Variants in KCNIP4 observed in about 807,000 individuals in gnomAD.
The protein encoded by KCNIP4 is potassium voltage-gated channel interacting protein 4, also known as Kv channel-interacting protein 4.
Under a neutral mutation model 34.0 loss-of-function variants are expected in KCNIP4, and 12 were observed. That is an observed-to-expected ratio of 0.35 (90% confidence interval 0.23 to 0.57). The LOEUF is 0.57. KCNIP4 is among the 20% of genes least tolerant of loss of function. The pLI is 0.83. For missense variants in KCNIP4, 238 were observed against 311.7 expected, an observed-to-expected ratio of 0.76 and a Z score of 1.78; for synonymous variants, 124 against 102.2, an observed-to-expected ratio of 1.21 and a Z score of -1.29.
intron 1 of KCNIP4, among the ~76,000 whole-genome samples, chr4:20,904,054 A>T (rs1401502365): frequency 3.9e-5 from 6 of 152,080 alleles, no homozygotes; most frequent in Non-Finnish European, 8.8e-5. Context: ...CCACTGAGCT[A>T]ATTTTCCTCT....
At chr4:21,637,029 C>T (rs1486844896) in intron 1 of KCNIP4, among the ~76,000 whole-genome samples, 1 of 152,074 alleles carries the variant, frequency 6.6e-6, no homozygotes, top group East Asian at 1.9e-4. Flanking sequence ...GGGGAGTAAA[C>T]TTGTGTTTAC....
intron 1 of KCNIP4, among the ~76,000 whole-genome samples, chr4:21,907,774 A>T (rs970890112): frequency 2.0e-5 from 3 of 152,164 alleles, no homozygotes; most frequent in Non-Finnish European, 4.4e-5. Flanking sequence ...TTTAGAGTAA[A>T]GCTTGCCTTA....
At position 20,946,668 on chromosome 4, in the gene KCNIP4, C is replaced by T. The variant is rs538667812; in HGVS notation, c.62-63959G>A. 5.3e-5 allele frequency among the ~76,000 whole-genome samples: 8 copies of T among 152,250 alleles called. No individual in the cohort carries two copies. The South Asian group carries it at 1.5e-3, about 28-fold the overall frequency. On this transcript the variant is annotated intron_variant, in intron 1 of 8. Transcript: ENST00000382152. Reference sequence around the variant, plus strand: ...CTTTCTGTCCTTGATCTTTTCCTCCCTTCAGGTTTTTATCAAATTCTTATT... The same window carrying T: ...CTTTCTGTCCTTGATCTTTTCCTCCTTTCAGGTTTTTATCAAATTCTTATT...
intron 1 of KCNIP4, among the ~76,000 whole-genome samples, chr4:21,703,438 T>A (rs1376879927): frequency 6.6e-6 from 1 of 152,256 alleles, no homozygotes; most frequent in African/African-American, 2.4e-5. Flanking sequence ...CTGGAAACCA[T>A]CATTCTCAGC....
chr4:20,977,404 G>A (rs981230393), intron 1 of KCNIP4, among the ~76,000 whole-genome samples: 13 of 152,074 alleles, frequency 8.5e-5, no homozygotes, highest in Non-Finnish European at 1.5e-4. Context: ...CCGTTTCTCT[G>A]CAGCATGTAT....
chr4:21,228,956 T>C (rs1338350036), intron 1 of KCNIP4, among the ~76,000 whole-genome samples: 1 of 152,184 alleles, frequency 6.6e-6, no homozygotes, highest in African/African-American at 2.4e-5. Flanking sequence ...ACTCCTGGAA[T>C]GTCTGTGCAC....
At chr4:21,656,522 T>C (rs771285126) in intron 1 of KCNIP4, 1 of 152,198 alleles carries the variant, frequency 6.6e-6, no homozygotes, top group Non-Finnish European at 1.5e-5. Context: ...TTAGTTCTCA[T>C]TGAAATGAAC....
At position 20,805,186 on chromosome 4, in the gene KCNIP4, CTTTTTTTTTTTTTT is replaced by C. The variant is rs10552321; in HGVS notation, c.288+45343_288+45356del. On this transcript the variant is annotated intron_variant, in intron 3 of 8. Coordinates refer to ENST00000382152, the MANE Select transcript of KCNIP4 (RefSeq NM_025221.6). ...AAGCAGAAAATATCATAGATGCTTC[CTTTTTTTTTTTTTT>C]TTTTTTTTTTTTTTTTAAAGAGGCA... 3.7e-4 allele frequency among the ~76,000 whole-genome samples: 34 copies of C among 92,122 alleles called. 1 individual carries two copies. The East Asian group carries it at 9.9e-3, about 27-fold the overall frequency. The allele number at this position is 92,122 out of a possible 152,430, so 60.4% of individuals were successfully genotyped here.
intron 1 of KCNIP4, among the ~76,000 whole-genome samples, chr4:21,218,239 T>C (rs977800799): frequency 6.6e-6 from 1 of 151,970 alleles, no homozygotes; most frequent in African/African-American, 2.4e-5. Flanking sequence ...GGTCTCGAAC[T>C]CCTGACCTCA....
At chr4:20,801,637 A>T (rs1048129968) in intron 3 of KCNIP4, among the ~76,000 whole-genome samples, 6 of 152,120 alleles carry the variant, frequency 3.9e-5, no homozygotes, top group Admixed American at 1.3e-4. Flanking sequence ...AAACTATAAG[A>T]TGTTTTATGT....
At chr4:20,926,874 T>C (rs6841111) in intron 1 of KCNIP4, among the ~76,000 whole-genome samples, 51,955 of 151,956 alleles carry the variant, frequency 0.34, 10,221 homozygotes, top group East Asian at 0.5. Flanking sequence ...CTGGATATAA[T>C]TGCACAGCCA....
intron 1 of KCNIP4, among the ~76,000 whole-genome samples, chr4:21,243,853 G>T (rs969806540): frequency 2.6e-5 from 4 of 152,142 alleles, no homozygotes; most frequent in Admixed American, 1.3e-4. Context: ...AGAGGCCTCG[G>T]TGTTTGGAGA....
intron 1 of KCNIP4, among the ~76,000 whole-genome samples, chr4:21,820,539 C>A (rs1171514472): frequency 6.6e-6 from 1 of 151,884 alleles, no homozygotes; most frequent in Admixed American, 6.6e-5. Flanking sequence ...ACAAAATATA[C>A]AAATTATACA....
intron 3 of KCNIP4, among the ~76,000 whole-genome samples, chr4:20,789,206 C>G (rs1265954061): frequency 6.6e-6 from 1 of 152,150 alleles, no homozygotes; most frequent in Non-Finnish European, 1.5e-5. Context: ...TGCTAAAACC[C>G]TACCACACTA....
chr4:21,943,257 A>C (rs1450678104), intron 1 of KCNIP4, among the ~76,000 whole-genome samples: 5 of 152,212 alleles, frequency 3.3e-5, no homozygotes, highest in Non-Finnish European at 7.3e-5. Context: ...AAATTCAAAG[A>C]ATAATTATTT....
intron 1 of KCNIP4, among the ~76,000 whole-genome samples, chr4:21,340,035 C>T (rs1450819778): frequency 1.3e-5 from 2 of 152,100 alleles, no homozygotes; most frequent in Non-Finnish European, 2.9e-5. Context: ...TATCTCTGTA[C>T]ACCATAGGCA....
At chr4:21,396,801 T>C (rs2322941) in intron 1 of KCNIP4, among the ~76,000 whole-genome samples, 115,565 of 151,968 alleles carry the variant, frequency 0.76, 45,787 homozygotes, top group Non-Finnish European at 0.89. Context: ...CGGTCAGACT[T>C]CAGAAGCTGG....
At chr4:21,094,167 GT>G (rs1246392325) in intron 1 of KCNIP4, among the ~76,000 whole-genome samples, 1 of 151,934 alleles carries the variant, frequency 6.6e-6, no homozygotes, top group Non-Finnish European at 1.5e-5. Context: ...AAATCAAAAT[GT>G]TATTTAAAAA....
intron 1 of KCNIP4, among the ~76,000 whole-genome samples, chr4:21,119,307 A>C (rs771486246): frequency 6.6e-6 from 1 of 151,926 alleles, no homozygotes; most frequent in Non-Finnish European, 1.5e-5. Context: ...AATTAAGCAC[A>C]TAAGTTTAAT....
Sources: allele counts gnomAD v4.1 joint callset (sites outside exome capture counted in the v4.1 genomes callset), GRCh38; gene constraint gnomAD v4.1.1; transcripts MANE v1.5; gene names NCBI Gene and HGNC (gene_info 2026-07-23, HGNC 2026-07-21).